CDH18: variants seen among roughly 807,000 people sequenced by gnomAD.
The protein encoded by CDH18 is cadherin-18.
Under a neutral mutation model 67.9 loss-of-function variants are expected in CDH18, and 31 were observed. That is an observed-to-expected ratio of 0.46 (90% CI 0.34 to 0.62). The LOEUF (loss-of-function observed/expected upper bound fraction) is 0.62, where lower values mean the gene tolerates loss of function less well. CDH18 is among the 20% of genes least tolerant of loss of function. The pLI is 0.01. For missense variants in CDH18, 890 were observed against 975.5 expected (o/e 0.91, Z 1.17); for synonymous variants, 362 against 347.2 (o/e 1.04, Z -0.48).
intron 1 of CDH18, among the ~76,000 whole-genome samples, chr5:20,401,677 C>G (rs895942666): frequency 6.6e-6 from 1 of 152,130 alleles, no homozygotes; most frequent in South Asian, 2.1e-4. Context: ...CCCACACAAT[C>G]CTTCAGCATG....
intron 2 of CDH18, among the ~76,000 whole-genome samples, chr5:19,853,125 A>G (rs1280637096): frequency 6.6e-6 from 1 of 152,106 alleles, no homozygotes; most frequent in Non-Finnish European, 1.5e-5. Context: ...GGCTTAAATA[A>G]CAGAAATGTA....
chr5:20,317,590 G>A (rs1203322269), intron 1 of CDH18, among the ~76,000 whole-genome samples: 1 of 152,122 alleles, frequency 6.6e-6, no homozygotes, highest in African/African-American at 2.4e-5. Context: ...AACTGAGATA[G>A]TCATGTGCTT....
intron 2 of CDH18, among the ~76,000 whole-genome samples, chr5:20,254,754 G>T (rs954476805): frequency 6.6e-6 from 1 of 152,112 alleles, no homozygotes; most frequent in Non-Finnish European, 1.5e-5. Context: ...TCCAGCAATT[G>T]CACTACTGTG....
At chr5:19,780,123 T>G (rs1195335622) in intron 3 of CDH18, among the ~76,000 whole-genome samples, 5 of 152,138 alleles carry the variant, frequency 3.3e-5, no homozygotes, top group Admixed American at 3.3e-4. Flanking sequence ...TTCCATATAG[T>G]GAGCTCCATC....
At chr5:20,406,892 G>T (rs1746317243) in intron 1 of CDH18, among the ~76,000 whole-genome samples, 1 of 152,116 alleles carries the variant, frequency 6.6e-6, no homozygotes, top group Non-Finnish European at 1.5e-5. Flanking sequence ...AAAACTGGTA[G>T]GAAAATTGGA....
chr5:19,484,347 A>G lies in CDH18; in HGVS notation c.1631-795T>C, dbSNP rs368009645. The stretch of plus-strand genomic sequence containing the variant: ...CCCAAAATCACAAAGCTAGTAAATG[A>G]TAAGGATAAAACCTCTATTCTAGAA... On this transcript the variant is annotated intron_variant, in intron 11 of 12. Coordinates refer to ENST00000382275, the MANE Select transcript of CDH18 (RefSeq NM_004934.5). Among the ~76,000 whole-genome samples the G allele has an allele frequency of 1.4e-4, 22 of 152,312 alleles. No individual in the cohort carries two copies. The East Asian group carries it at 2.5e-3, about 17-fold the overall frequency.
intron 1 of CDH18, among the ~76,000 whole-genome samples, chr5:20,313,045 T>TA (rs1737139066): frequency 6.6e-6 from 1 of 152,148 alleles, no homozygotes; most frequent in South Asian, 2.1e-4. Context: ...AGGTTATAGT[T>TA]ACACATGCAA....
intron 1 of CDH18, among the ~76,000 whole-genome samples, chr5:20,539,753 C>A (rs1025305): frequency 0.46 from 63,380 of 137,412 alleles, 13,708 homozygotes; most frequent in East Asian, 0.56. Flanking sequence ...CACACACACA[C>A]ACAAACACAC....
At chr5:20,571,524 A>T (rs1422960246) in intron 1 of CDH18, among the ~76,000 whole-genome samples, 1 of 152,154 alleles carries the variant, frequency 6.6e-6, no homozygotes, top group Non-Finnish European at 1.5e-5. Context: ...ATACCAGTAG[A>T]TGGGGAATGA....
intron 2 of CDH18, among the ~76,000 whole-genome samples, chr5:20,109,509 G>A (rs1016558295): frequency 6.6e-6 from 1 of 152,116 alleles, no homozygotes; most frequent in South Asian, 2.1e-4. Context: ...ACGTGGCTCC[G>A]GGAAGGGAAT....
intron 2 of CDH18, among the ~76,000 whole-genome samples, chr5:19,871,204 A>C (rs924432732): frequency 7.2e-5 from 11 of 152,144 alleles, no homozygotes; most frequent in African/African-American, 2.2e-4. Flanking sequence ...AAATTCACTA[A>C]TAGAATGACA....
intron 1 of CDH18, among the ~76,000 whole-genome samples, chr5:20,500,672 C>G (rs1438140369): frequency 6.6e-6 from 1 of 152,112 alleles, no homozygotes. Flanking sequence ...AATATCTTAG[C>G]ACAGTTAGGA....
intron 2 of CDH18, among the ~76,000 whole-genome samples, chr5:19,870,988 A>G (rs1786203318): frequency 6.6e-6 from 1 of 152,142 alleles, no homozygotes; most frequent in South Asian, 2.1e-4. Context: ...TGATCACCAT[A>G]TCAGATGCAG....
chr5:19,840,773 A>T (rs1254731001), intron 2 of CDH18, among the ~76,000 whole-genome samples: 1 of 152,176 alleles, frequency 6.6e-6, no homozygotes, highest in Non-Finnish European at 1.5e-5. Flanking sequence ...TTTTGCATCA[A>T]GTTTTGCTGT....
chr5:19,571,265 A>T (rs1212147820), intron 8 of CDH18, among the ~76,000 whole-genome samples: 1 of 152,176 alleles, frequency 6.6e-6, no homozygotes, highest in Non-Finnish European at 1.5e-5. Flanking sequence ...TAAGGGAGCA[A>T]TAGATTCTCT....
Position 19,838,744 on chromosome 5 carries a change from T to C in CDH18, c.228+15A>G. 1.3e-6 allele frequency: 2 copies of C among 1,577,628 alleles called. No homozygotes were observed. Among genetic ancestry groups the C allele is most frequent in the African/African-American group, 2.7e-5 (2 of 74,242 alleles). ...TCTCAGGATAGAAAAAACAGCAAAA[T>C]AAACAAAATCTTACCTTTCCAACAT... On this transcript the variant is annotated intron_variant, in intron 3 of 12. Coordinates refer to ENST00000382275, the MANE Select transcript of CDH18 (RefSeq NM_004934.5).
At chr5:19,707,279 C>T (rs3940677) in intron 5 of CDH18, among the ~76,000 whole-genome samples, 139,024 of 152,210 alleles carry the variant, frequency 0.91, 64,774 homozygotes, top group East Asian at 1. Flanking sequence ...AAGAAGCTGT[C>T]GCAGATGGTG....
At chr5:20,366,690 A>G (rs950527117) in intron 1 of CDH18, among the ~76,000 whole-genome samples, 2 of 152,218 alleles carry the variant, frequency 1.3e-5, no homozygotes, top group African/African-American at 2.4e-5. Context: ...GTAAAGAAAA[A>G]TTAACACTGA....
At chr5:20,341,002 A>T (rs1013635237) in intron 1 of CDH18, among the ~76,000 whole-genome samples, 10 of 152,266 alleles carry the variant, frequency 6.6e-5, no homozygotes, top group African/African-American at 2.4e-4. Flanking sequence ...GTGGAGACCA[A>T]CATTAATTCA....
Sources: gnomAD v4.1 joint callset for allele counts (sites outside exome capture counted in the v4.1 genomes callset) on GRCh38, gnomAD v4.1.1 for gene constraint, MANE v1.5 for transcripts, NCBI Gene and HGNC (gene_info 2026-07-23, HGNC 2026-07-21) for gene names.